The following NALF1 variants were observed in gnomAD, a reference collection of about 807,000 sequenced individuals.
NALF1 encodes the protein NALCN channel auxiliary factor 1.
Under a neutral mutation model 48.4 loss-of-function variants are expected in NALF1, and 3 were observed. That is an observed-to-expected ratio of 0.06 (90% CI 0.03 to 0.16). NALF1 has a LOEUF of 0.16. NALF1 is among the 10% of genes least tolerant of loss of function. NALF1 has a pLI of 1.00. For missense variants in NALF1, 526 were observed against 571.5 expected, an observed-to-expected ratio of 0.92 and a Z score of 0.81; for synonymous variants, 262 against 245.7, an observed-to-expected ratio of 1.07 and a Z score of -0.62.
rs528356912 is a variant in NALF1, at chr13:107,436,695, CTTTTA to C, written c.916-225945_916-225941del. On this transcript the variant is annotated intron_variant, in intron 1 of 2. Transcript: ENST00000375915. ...GAGATAAGGATGTCCACTTTCATCA[CTTTTA>C]TTTATCATTGTACTAGAGTTCCTAA... Among the ~76,000 whole-genome samples, 10 of 152,222 alleles carry C rather than the reference CTTTTA, an allele frequency of 6.6e-5. No homozygotes were observed. In the East Asian group the frequency reaches 1.7e-3, roughly 27 times the overall value.
intron 1 of NALF1, among the ~76,000 whole-genome samples, chr13:107,580,641 G>T (rs1239276016): frequency 2.0e-5 from 3 of 152,154 alleles, no homozygotes. Flanking sequence ...AAGAAAGAAT[G>T]TTTTCTTGCT....
intron 1 of NALF1, among the ~76,000 whole-genome samples, chr13:107,342,814 A>T (rs1882706460): frequency 6.6e-6 from 1 of 152,208 alleles, no homozygotes; most frequent in Admixed American, 6.5e-5. Context: ...CAATGACTCA[A>T]AAAGGAAAGC....
chr13:107,755,726 T>C (rs1877076278), intron 1 of NALF1, among the ~76,000 whole-genome samples: 2 of 152,034 alleles, frequency 1.3e-5, no homozygotes, highest in South Asian at 4.2e-4. Flanking sequence ...TGTACATACA[T>C]GCAGAGGAAA....
At chr13:107,268,352 G>A (rs1349759685) in intron 1 of NALF1, among the ~76,000 whole-genome samples, 2 of 152,064 alleles carry the variant, frequency 1.3e-5, no homozygotes, top group East Asian at 1.9e-4. Context: ...TGAACTCATG[G>A]AAAGTGAAAC....
chr13:107,648,835 C>T (rs1880377699), intron 1 of NALF1, among the ~76,000 whole-genome samples: 2 of 152,258 alleles, frequency 1.3e-5, no homozygotes, highest in East Asian at 1.9e-4. Flanking sequence ...CACATCCTTG[C>T]CAGCATTTGC....
chr13:107,288,426 G>T (rs1881545132), intron 1 of NALF1, among the ~76,000 whole-genome samples: 1 of 151,606 alleles, frequency 6.6e-6, no homozygotes, highest in South Asian at 2.1e-4. Flanking sequence ...CACCATGTTG[G>T]TCAGGCTGGT....
intron 1 of NALF1, among the ~76,000 whole-genome samples, chr13:107,475,205 A>C (rs1325486359): frequency 6.6e-6 from 1 of 152,204 alleles, no homozygotes; most frequent in African/African-American, 2.4e-5. Context: ...GAACTCGGCT[A>C]TCATTCATTG....
chr13:107,810,335 T>A (rs2138605872), intron 1 of NALF1, among the ~76,000 whole-genome samples: 1 of 152,212 alleles, frequency 6.6e-6, no homozygotes, highest in East Asian at 1.9e-4. Context: ...CACTAACAAT[T>A]TATCTCAGAG....
chr13:107,479,342 T>C (rs1025037829), intron 1 of NALF1, among the ~76,000 whole-genome samples: 5 of 152,298 alleles, frequency 3.3e-5, no homozygotes, highest in East Asian at 1.9e-4. Context: ...TTTTGCTCCA[T>C]AGTATCTCTT....
intron 1 of NALF1, among the ~76,000 whole-genome samples, chr13:107,755,224 T>C (rs1877061119): frequency 6.6e-6 from 1 of 152,178 alleles, no homozygotes; most frequent in Non-Finnish European, 1.5e-5. Context: ...CCCTTTTATC[T>C]TGTAAATGAA....
At chr13:107,723,224 G>A (rs948679581) in intron 1 of NALF1, among the ~76,000 whole-genome samples, 8 of 152,062 alleles carry the variant, frequency 5.3e-5, no homozygotes, top group Admixed American at 6.6e-5. Context: ...TGTGGTTCCT[G>A]ACTTTTCTAG....
chr13:107,587,609 G>A (rs1276284828), intron 1 of NALF1, among the ~76,000 whole-genome samples: 1 of 152,110 alleles, frequency 6.6e-6, no homozygotes, highest in Non-Finnish European at 1.5e-5. Flanking sequence ...AGAAAGTGCT[G>A]TGTTTGCATT....
Position 107,706,625 on chromosome 13 carries a change from CT to C in NALF1, c.915+159056del, listed in dbSNP as rs536127558. ...AGCAGGATCAGTCTTGAACAAAGCA[CT>C]GTCGCTCAGAGAAATAAAAGATTGG... On this transcript the variant is annotated intron_variant, in intron 1 of 2. Transcript: ENST00000375915. Among the ~76,000 whole-genome samples the C allele has an allele frequency of 1.9e-3, 295 of 152,094 alleles. 1 individual carries two copies. The highest frequency in any genetic ancestry group is 3.5e-3 in the Non-Finnish European group (241 of 68,024).
intron 1 of NALF1, among the ~76,000 whole-genome samples, chr13:107,536,126 A>G (rs1033531175): frequency 1.3e-5 from 2 of 152,244 alleles, no homozygotes; most frequent in Non-Finnish European, 2.9e-5. Context: ...TAAAAATCCT[A>G]GAAGAAAACC....
intron 1 of NALF1, among the ~76,000 whole-genome samples, chr13:107,344,151 A>C (rs1253298118): frequency 6.6e-6 from 1 of 152,202 alleles, no homozygotes; most frequent in Non-Finnish European, 1.5e-5. Context: ...AGAATTAGAA[A>C]ATCGCAACAG....
intron 1 of NALF1, among the ~76,000 whole-genome samples, chr13:107,349,391 T>C (rs1882830508): frequency 6.6e-6 from 1 of 152,042 alleles, no homozygotes; most frequent in Admixed American, 6.5e-5. Context: ...TCCTAGTATG[T>C]CCCCTTGGAG....
intron 1 of NALF1, among the ~76,000 whole-genome samples, chr13:107,635,738 C>G (rs1034549685): frequency 2.0e-5 from 3 of 152,126 alleles, no homozygotes; most frequent in Admixed American, 6.6e-5. Context: ...CACTTAGCCC[C>G]ATAAGCCGCA....
In NALF1 at chr13:107,657,514, A is replaced by T. The variant is rs1004749506; in HGVS notation, c.915+208168T>A. Among the ~76,000 whole-genome samples, 7 of 152,162 alleles carry T rather than the reference A, an allele frequency of 4.6e-5. 1 individual carries two copies. The highest frequency in any genetic ancestry group is 1.5e-5 in the Non-Finnish European group (1 of 68,038). The stretch of plus-strand genomic sequence containing the variant: ...TGGGGAACAAACAGCCTGATCAATA[A>T]TCATAAAGAGAAAAGAAAGTTTACA... On this transcript the variant is annotated intron_variant, in intron 1 of 2. Transcript: ENST00000375915.
intron 1 of NALF1, among the ~76,000 whole-genome samples, chr13:107,592,869 C>T (rs975501459): frequency 2.0e-5 from 3 of 151,838 alleles, no homozygotes; most frequent in Non-Finnish European, 4.4e-5. Flanking sequence ...ATCATCTGTT[C>T]TTTCTGGCAT....
Sources: gnomAD v4.1 joint callset for allele counts (sites outside exome capture counted in the v4.1 genomes callset) on GRCh38, gnomAD v4.1.1 for gene constraint, MANE v1.5 for transcripts, NCBI Gene and HGNC (gene_info 2026-07-23, HGNC 2026-07-21) for gene names.